DMD: variants seen among roughly 807,000 people sequenced by gnomAD.
DMD encodes the protein dystrophin, also known as mutant dystrophin.
Under a neutral mutation model 330.1 loss-of-function variants are expected in DMD, and 63 were observed. The observed-to-expected ratio is 0.19, with a 90% CI of 0.16 to 0.24. The LOEUF (loss-of-function observed/expected upper bound fraction) is 0.24, where lower values mean the gene tolerates loss of function less well. DMD is among the 10% of genes least tolerant of loss of function. The probability of loss-of-function intolerance (pLI) is 1.00; values close to 1 mark genes in which losing one functional copy is unlikely to be tolerated. For synonymous variants in DMD, 1,223 were observed against 959.8 expected (o/e 1.27, Z -5.07); for missense variants, 3,344 against 2,684.1 (o/e 1.25, Z -5.43).
intron 24 of DMD, 110 bp downstream of exon 24, chrX:32,464,476 A>T: frequency 1.7e-6 from 1 of 581,245 alleles, no homozygotes; most frequent in South Asian, 2.6e-5. Context: ...ATTAAAAAAA[A>T]TCCACTGGGG....
chrX:31,707,074 C>A (rs2084256225), intron 52 of DMD, among the ~76,000 whole-genome samples: 1 of 109,522 alleles, frequency 9.1e-6, no homozygotes, highest in African/African-American at 3.3e-5. Flanking sequence ...TTTTTTAAAT[C>A]TTTTTATTTT....
intron 55 of DMD, among the ~76,000 whole-genome samples, chrX:31,553,734 A>G (rs1341850535): frequency 8.9e-6 from 1 of 112,610 alleles, no homozygotes; most frequent in Non-Finnish European, 1.9e-5. Flanking sequence ...TACTCTTTAA[A>G]TCTACTTAGA....
intron 51 of DMD, among the ~76,000 whole-genome samples, chrX:31,740,898 A>G (rs180837125): frequency 8.9e-6 from 1 of 112,367 alleles, no homozygotes; most frequent in Non-Finnish European, 1.9e-5. Context: ...ACTCAGTAGA[A>G]CTTCTTTCAA....
At chrX:32,733,525 T>C (rs1232599644) in intron 7 of DMD, among the ~76,000 whole-genome samples, 1 of 110,960 alleles carries the variant, frequency 9.0e-6, no homozygotes, top group African/African-American at 3.3e-5. Context: ...AAAGCTCTCC[T>C]CAGCAAATGT....
In DMD at chrX:31,607,389, T is replaced by A. The variant is rs1045687690; in HGVS notation, c.8217+20284A>T. 2.8e-4 allele frequency among the ~76,000 whole-genome samples: 31 copies of A among 111,922 alleles called. 1 individual carries two copies. Among genetic ancestry groups the A allele is most frequent in the Non-Finnish European group, 5.6e-5 (3 of 53,118 alleles). Reference sequence around the variant, plus strand: ...TGGAACAACATTCCTCTAGGAACAATGACATCAAGAAGCCTTGCAGAGAGC... The same window carrying A: ...TGGAACAACATTCCTCTAGGAACAAAGACATCAAGAAGCCTTGCAGAGAGC... On this transcript the variant is annotated intron_variant, in intron 55 of 78. Coordinates refer to ENST00000357033, the MANE Select transcript of DMD (RefSeq NM_004006.3).
chrX:32,791,724 A>G (rs1056553281), intron 7 of DMD, among the ~76,000 whole-genome samples: 4 of 112,106 alleles, frequency 3.6e-5, no homozygotes, highest in African/African-American at 1.3e-4. Flanking sequence ...AGCAAAGCCT[A>G]TGTGACATAT....
chrX:31,996,521 A>G (rs1021743515), intron 44 of DMD, among the ~76,000 whole-genome samples: 46 of 111,903 alleles, frequency 4.1e-4, no homozygotes, highest in African/African-American at 1.5e-3. Flanking sequence ...GGGAACAAAA[A>G]CAGCCAAGGT....
intron 51 of DMD, among the ~76,000 whole-genome samples, chrX:31,731,385 G>A (rs1452758053): frequency 9.0e-6 from 1 of 111,573 alleles, no homozygotes; most frequent in Non-Finnish European, 1.9e-5. Flanking sequence ...GTGTTAGAAT[G>A]TGAAACTCTG....
At chrX:31,286,066 C>T (rs746543885) in intron 62 of DMD, among the ~76,000 whole-genome samples, 2 of 112,056 alleles carry the variant, frequency 1.8e-5, no homozygotes, top group Non-Finnish European at 3.8e-5. Flanking sequence ...GCATCTTTAT[C>T]ACTCATGCCA....
intron 1 of DMD, among the ~76,000 whole-genome samples, chrX:33,307,490 G>A (rs2053781111): frequency 1.8e-5 from 2 of 111,620 alleles, no homozygotes; most frequent in Admixed American, 9.5e-5. Context: ...TCAGGAGTTC[G>A]AGACCATCCT....
At chrX:33,028,019 C>T (rs1306921808) in intron 1 of DMD, among the ~76,000 whole-genome samples, 3 of 111,693 alleles carry the variant, frequency 2.7e-5, no homozygotes, top group Admixed American at 9.5e-5. Context: ...GAGGGCAGTT[C>T]GAAATCAAAG....
Position 32,645,085 on chromosome X carries a change from C to T in DMD, c.1028G>A (p.Arg343His), listed in dbSNP as rs61733589. The change falls in exon 10 of 79, where the codon CGT (arginine) becomes CAT (histidine). Residue 343 changes from arginine to histidine, a missense_variant. Physicochemically the swap from Arg to His is conservative, Grantham distance 29. Transcript: ENST00000357033. ...SLMESEVNLDRYQTALEEVLS... is the reference protein window; with the variant it reads ...SLMESEVNLDHYQTALEEVLS... ...TACTTCTTCTAAAGCTGTTTGATAA[C>T]GGTCCAGGTTTACTTCACTCTCCAT... The T allele has an allele frequency of 1.1e-4, 128 of 1,209,847 alleles. No individual in the cohort carries two copies. In the African/African-American group the frequency reaches 1.7e-3, roughly 16 times the overall value.
intron 44 of DMD, among the ~76,000 whole-genome samples, chrX:32,012,144 T>C (rs2095714377): frequency 8.9e-6 from 1 of 112,293 alleles, no homozygotes; most frequent in African/African-American, 3.2e-5. Context: ...TTGGGGCCTT[T>C]GCCTTCAGTC....
intron 44 of DMD, among the ~76,000 whole-genome samples, chrX:32,174,346 T>A (rs1381587500): frequency 8.9e-6 from 1 of 112,426 alleles, no homozygotes; most frequent in Non-Finnish European, 1.9e-5. Flanking sequence ...CTCTTTTTGG[T>A]GTTATAGTAC....
chrX:32,070,689 AG>A (rs1467657978), intron 44 of DMD, among the ~76,000 whole-genome samples: 1 of 111,446 alleles, frequency 9.0e-6, no homozygotes, highest in Non-Finnish European at 1.9e-5. Flanking sequence ...ATGCGATTGG[AG>A]ACTATCATTG....
In DMD at chrX:32,306,669, C is replaced by A. The variant is rs2097541509; in HGVS notation, c.6117+3413G>T. Among the ~76,000 whole-genome samples, 3 of 109,695 alleles carry A rather than the reference C, an allele frequency of 2.7e-5. 1 individual carries two copies. Among genetic ancestry groups the A allele is most frequent in the Admixed American group, 2.0e-4 (2 of 10,207 alleles). ...CCTTGTTTCTCTCCTTATTTTATTT[C>A]TTTTCTTCAATTCTCCCTCCCTCCT... is the stretch of plus-strand genomic sequence containing the variant. On this transcript the variant is annotated intron_variant, in intron 42 of 78. Transcript: ENST00000357033.
chrX:32,503,248 G>A (rs372802294), intron 18 of DMD, among the ~76,000 whole-genome samples: 17 of 111,366 alleles, frequency 1.5e-4, no homozygotes, highest in Non-Finnish European at 2.3e-4. Context: ...TTAGTCAGGC[G>A]TGGTGACAGG....
intron 18 of DMD, among the ~76,000 whole-genome samples, chrX:32,507,140 C>A (rs2044712148): frequency 9.0e-6 from 1 of 111,272 alleles, no homozygotes; most frequent in Non-Finnish European, 1.9e-5. Flanking sequence ...TCAAGAAAGA[C>A]AGGAGGATTT....
At position 32,501,769 on chromosome X, in the gene DMD, T is replaced by A; in HGVS notation, c.2366A>T (p.Glu789Val). 1 of 1,208,080 alleles carries A rather than the reference T, an allele frequency of 8.3e-7. No individual in the cohort carries two copies. The highest frequency in any genetic ancestry group is 1.8e-5 in the South Asian group (1 of 56,477). ...DASRSAQALV[E>V]QMVNEGVNAD... ...CGTGTAATTACCATTCACCATCTGT[T>A]CCACCAGGGCCTGAGCTGATCTGCT... is the stretch of plus-strand genomic sequence containing the variant. The change falls in exon 19 of 79, where the codon GAA becomes GTA. Residue 789 changes from glutamate (E) to valine (V), a missense_variant. Physicochemically the swap from Glu to Val is moderately radical, Grantham distance 121. Transcript: ENST00000357033.
Sources: gnomAD v4.1 joint callset for allele counts (sites outside exome capture counted in the v4.1 genomes callset) on GRCh38, gnomAD v4.1.1 for gene constraint, MANE v1.5 for transcripts, NCBI Gene and HGNC (gene_info 2026-07-23, HGNC 2026-07-21) for gene names.